The following FCHSD2 variants were observed in gnomAD, a reference collection of about 807,000 sequenced individuals.
FCHSD2 encodes the protein FCH and double SH3 domains 2, also known as F-BAR and double SH3 domains protein 2.
In FCHSD2, 38 loss-of-function variants were observed where a neutral mutation model predicts 108.1. The observed-to-expected ratio is 0.35, with a 90% CI of 0.27 to 0.46. The LOEUF (loss-of-function observed/expected upper bound fraction) is 0.46, where lower values mean the gene tolerates loss of function less well. Ranked by LOEUF, FCHSD2 falls within the 20% of genes least tolerant of loss-of-function variation. The probability of loss-of-function intolerance (pLI) is 1.00; values close to 1 mark genes in which losing one functional copy is unlikely to be tolerated. For missense variants in FCHSD2, 751 were observed against 897.8 expected (o/e 0.84, Z 2.09); for synonymous variants, 279 against 314.7 (o/e 0.89, Z 1.20).
intron 2 of FCHSD2, among the ~76,000 whole-genome samples, chr11:73,090,470 CCG>C (rs1859929699): frequency 6.6e-6 from 1 of 152,104 alleles, no homozygotes. Context: ...CGTGATCCGC[CCG>C]CCTCGGCCTC....
chr11:72,966,993 T>C (rs1027881233), intron 8 of FCHSD2, among the ~76,000 whole-genome samples: 2 of 151,852 alleles, frequency 1.3e-5, no homozygotes, highest in African/African-American at 4.8e-5. Flanking sequence ...GGTCAGGAGA[T>C]TGAGACCATC....
At chr11:73,066,077 A>T (rs1859284607) in intron 3 of FCHSD2, among the ~76,000 whole-genome samples, 1 of 152,210 alleles carries the variant, frequency 6.6e-6, no homozygotes, top group Non-Finnish European at 1.5e-5. Context: ...ACAAAGCTGG[A>T]GGCATCACGC....
intron 3 of FCHSD2, among the ~76,000 whole-genome samples, chr11:73,028,439 A>G (rs1401999176): frequency 6.6e-6 from 1 of 152,174 alleles, no homozygotes; most frequent in Non-Finnish European, 1.5e-5. Flanking sequence ...GGCAGCATTT[A>G]TCAAATGCCT....
intron 12 of FCHSD2, among the ~76,000 whole-genome samples, chr11:72,876,608 G>A (rs1237165389): frequency 6.6e-6 from 1 of 152,148 alleles, no homozygotes; most frequent in East Asian, 1.9e-4. Flanking sequence ...CTTGTTGAAT[G>A]TTCTATGTGT....
intron 2 of FCHSD2, among the ~76,000 whole-genome samples, chr11:73,094,867 T>A (rs1188658082): frequency 6.6e-6 from 1 of 152,172 alleles, no homozygotes; most frequent in African/African-American, 2.4e-5. Flanking sequence ...AACAAAAATA[T>A]TTTTTAACGA....
chr11:73,080,300 A>T (rs1859653162), intron 3 of FCHSD2, among the ~76,000 whole-genome samples: 2 of 147,388 alleles, frequency 1.4e-5, no homozygotes, highest in South Asian at 2.2e-4. Flanking sequence ...CTGTCTCAAA[A>T]AAAAAAAAAA....
intron 8 of FCHSD2, among the ~76,000 whole-genome samples, chr11:72,967,949 G>C (rs1391409259): frequency 6.6e-6 from 1 of 151,922 alleles, no homozygotes; most frequent in Non-Finnish European, 1.5e-5. Flanking sequence ...AAATTAGCCG[G>C]GTATGGTGGC....
chr11:72,842,711 G>A lies in FCHSD2; in HGVS notation c.1836C>T (p.Phe612=). ...ATGGGAAAACTCCAATACGCCCATT[G>A]AATTCCCCTTCCCAGAAGCCATCAT... ...QDDDGFWEGE[F]NGRIGVFPSV... Residue 612 remains phenylalanine (F), a synonymous_variant, in exon 17 of 20, where the codon TTC becomes TTT. Transcript: ENST00000409418. 1 of 1,614,010 alleles carries A rather than the reference G, an allele frequency of 6.2e-7. No individual in the cohort carries two copies. Among genetic ancestry groups the A allele is most frequent in the Admixed American group, 1.7e-5 (1 of 60,020 alleles).
chr11:72,966,516 C>T (rs962653257), intron 8 of FCHSD2, among the ~76,000 whole-genome samples: 2 of 152,140 alleles, frequency 1.3e-5, no homozygotes, highest in African/African-American at 4.8e-5. Flanking sequence ...TTTATTCTTA[C>T]AAAATACTTA....
At position 73,006,085 on chromosome 11, in the gene FCHSD2, A is replaced by T. The variant is rs181083352; in HGVS notation, c.243-4951T>A. On this transcript the variant is annotated intron_variant, in intron 4 of 19. Transcript: ENST00000409418. ...ACTGCATGTGGCTATTTTTTTTTTT[A>T]AATAAAAATAGTATCTCACTTTGTT... 3.6e-3 allele frequency among the ~76,000 whole-genome samples: 546 copies of T among 149,952 alleles called. 1 individual carries two copies. The highest frequency in any genetic ancestry group is 0.013 in the African/African-American group (517 of 40,732).
At chr11:72,842,572 C>T in intron 17 of FCHSD2, 49 bp downstream of exon 17, 1 of 1,608,978 alleles carries the variant, frequency 6.2e-7, no homozygotes, top group Non-Finnish European at 8.5e-7. Flanking sequence ...CCTTTGGGAG[C>T]AATTTTCTTT....
intron 13 of FCHSD2, among the ~76,000 whole-genome samples, chr11:72,865,294 T>C (rs907967066): frequency 2.0e-5 from 3 of 152,196 alleles, no homozygotes; most frequent in Admixed American, 2.0e-4. Flanking sequence ...TGCTGTTACT[T>C]AAAAGCAGAT....
chr11:72,985,137 T>A (rs1462065074), intron 6 of FCHSD2, 21 bp from the exon 7 acceptor site: 1 of 781,184 alleles, frequency 1.3e-6, no homozygotes, highest in Non-Finnish European at 2.0e-6. Context: ...AATAGAAAAG[T>A]ATGTTTAATA....
Position 73,124,518 on chromosome 11 carries a change from G to A in FCHSD2, c.119+15513C>T, listed in dbSNP as rs140445702. 2.8e-3 allele frequency among the ~76,000 whole-genome samples: 427 copies of A among 152,298 alleles called. 15 individuals are homozygous for A. In the East Asian group the frequency reaches 0.072, roughly 26 times the overall value. On this transcript the variant is annotated intron_variant, in intron 2 of 19. Coordinates refer to ENST00000409418, the MANE Select transcript of FCHSD2 (RefSeq NM_014824.3). The stretch of plus-strand genomic sequence containing the variant: ...CACCTGTAATCCCAGCACTTTGGGA[G>A]GCCAAGGTAGGTGGATCACCAGAGG...
chr11:72,998,837 G>A (rs143725899), intron 5 of FCHSD2, among the ~76,000 whole-genome samples: 67 of 152,324 alleles, frequency 4.4e-4, no homozygotes, highest in Middle Eastern at 3.4e-3. Flanking sequence ...TGGCAAGGCT[G>A]TAGAGAAATT....
intron 3 of FCHSD2, among the ~76,000 whole-genome samples, chr11:73,017,198 T>C (rs1343113240): frequency 6.6e-6 from 1 of 152,024 alleles, no homozygotes; most frequent in Non-Finnish European, 1.5e-5. Flanking sequence ...TGCCCATGGC[T>C]CAACTCCTGG....
intron 5 of FCHSD2, among the ~76,000 whole-genome samples, chr11:72,995,530 C>T (rs1051714840): frequency 6.6e-6 from 1 of 151,498 alleles, no homozygotes; most frequent in Non-Finnish European, 1.5e-5. Flanking sequence ...GGTGAAACCT[C>T]ATCTCTAAAA....
intron 8 of FCHSD2, among the ~76,000 whole-genome samples, chr11:72,931,150 T>C (rs1856183152): frequency 6.7e-6 from 1 of 149,618 alleles, no homozygotes; most frequent in Admixed American, 6.7e-5. Flanking sequence ...GGCTGGAGTG[T>C]AGTGGTGCGA....
intron 3 of FCHSD2, among the ~76,000 whole-genome samples, chr11:73,053,344 T>C (rs1028753596): frequency 6.6e-6 from 1 of 152,134 alleles, no homozygotes; most frequent in Non-Finnish European, 1.5e-5. Context: ...TAAATTTAAC[T>C]GTAATTCCAC....
Sources: gnomAD v4.1 joint callset for allele counts (sites outside exome capture counted in the v4.1 genomes callset) on GRCh38, gnomAD v4.1.1 for gene constraint, MANE v1.5 for transcripts, NCBI Gene and HGNC (gene_info 2026-07-23, HGNC 2026-07-21) for gene names.